Variants in SEPTIN5 observed in about 807,000 individuals in gnomAD.
SEPTIN5 encodes septin-5.
SEPTIN5 carries 16 observed loss-of-function variants against 51.2 expected under a neutral mutation model. The observed-to-expected ratio is 0.31, with a 90% CI of 0.21 to 0.47. The LOEUF (loss-of-function observed/expected upper bound fraction) is 0.47, where lower values mean the gene tolerates loss of function less well. Among genes scored for constraint, SEPTIN5 ranks in the 20% least tolerant of loss-of-function variants. The pLI is 0.99. For synonymous variants in SEPTIN5, 208 were observed against 191.2 expected, an observed-to-expected ratio of 1.09 and a Z score of -0.72; for missense variants, 376 against 500.3, an observed-to-expected ratio of 0.75 and a Z score of 2.37.
rs889060288 is a variant in SEPTIN5, at chr22:19,714,765, G to T, written c.44-16G>T. ...CGGAACCGGACCCGGACTCGACCCC[G>T]ACCCCGACCCCGCAGAGGACAAGCA... On this transcript the variant is annotated splice_polypyrimidine_tract_variant and intron_variant, in intron 1 of 11. Transcript: ENST00000455784. This position sits in a 1 kb window ranked among gnomAD's most constrained non-coding sequence, Gnocchi z 5.2. 4.6e-5 allele frequency: 68 copies of T among 1,480,292 alleles called. No homozygotes were observed. The highest frequency in any genetic ancestry group is 5.8e-5 in the Non-Finnish European group (64 of 1,110,908). 91.7% of individuals were successfully genotyped at this position (1,480,292 alleles called of 1,614,324 possible).
intron 2 of SEPTIN5, chr22:19,717,424 C>G (rs1347118247): frequency 2.2e-6 from 1 of 458,874 alleles, no homozygotes; most frequent in Non-Finnish European, 4.5e-6. Context: ...CCCAGTCCCT[C>G]CAATCCTGTG....
At chr22:19,716,919 G>A (rs544203135) in intron 2 of SEPTIN5, among the ~76,000 whole-genome samples, 45 of 152,360 alleles carry the variant, frequency 3.0e-4, no homozygotes, top group Non-Finnish European at 6.0e-4. Flanking sequence ...ACTCAGCCTA[G>A]AGGCTTCCTG....
At position 19,715,237 on chromosome 22, in the gene SEPTIN5, T is replaced by A. The variant is rs530142627; in HGVS notation, c.54+446T>A. On this transcript the variant is annotated intron_variant, in intron 2 of 11. Transcript: ENST00000455784. ...GTCACCACCCACCTCCCCTGCACCT[T>A]CATGCCCCTTTCCCTCCCCATACAC... 1.4e-3 allele frequency among the ~76,000 whole-genome samples: 214 copies of A among 152,338 alleles called. 8 individuals carry two copies. The South Asian group carries it at 0.043, about 30-fold the overall frequency.
chr22:19,722,080 CT>C (rs1183849379), intron 10 of SEPTIN5, 123 bp downstream of exon 10: 29 of 1,305,186 alleles, frequency 2.2e-5, no homozygotes, highest in South Asian at 5.7e-5. Context: ...AGCCCCCCCC[CT>C]CCCCCAGAGC....
intron 10 of SEPTIN5, 23 bp from the exon 11 acceptor site, chr22:19,722,214 A>ACCCCCCC: frequency 3.3e-6 from 3 of 903,756 alleles, no homozygotes; most frequent in Non-Finnish European, 5.2e-6. Context: ...CGCCCCGCCC[A>ACCCCCCC]TCCTCCCCCC....
Position 19,722,780 on chromosome 22 carries a change from GC to G in SEPTIN5, c.*299del, listed in dbSNP as rs1936075018. Reference sequence around the variant, plus strand: ...GACGGTCACAGCACCCAAACCGCAGGCCCTGCTCTGGCAGGCAGGCAAAGCT... The same window carrying G: ...GACGGTCACAGCACCCAAACCGCAGGCCTGCTCTGGCAGGCAGGCAAAGCT... On this transcript the variant is annotated 3_prime_UTR_variant, in exon 12 of 12. Coordinates refer to ENST00000455784, the MANE Select transcript of SEPTIN5 (RefSeq NM_002688.6). 1.9e-6 allele frequency: 1 copy of G among 525,050 alleles called. No homozygotes were observed. The highest frequency in any genetic ancestry group is 3.4e-6 in the Non-Finnish European group (1 of 289,980). The allele number at this position is 525,050 out of a possible 1,614,324, so 32.5% of individuals were successfully genotyped here.
chr22:19,721,990 C>T (rs1936048019), intron 10 of SEPTIN5, 33 bp downstream of exon 10: 2 of 1,584,594 alleles, frequency 1.3e-6, no homozygotes, highest in Non-Finnish European at 1.7e-6. Context: ...AGACCTCGCC[C>T]CTCTGGCCCC....
rs1229108684 is a variant in SEPTIN5, at chr22:19,714,506, C to T, written c.-83C>T. Reference sequence around the variant, plus strand: ...CGGCGGCGCGGAGGGGCCGCTCACCCCGCAGCCCGGCCTCGGCCTCCGCCG... The same window carrying T: ...CGGCGGCGCGGAGGGGCCGCTCACCTCGCAGCCCGGCCTCGGCCTCCGCCG... On this transcript the variant is annotated 5_prime_UTR_variant, in exon 1 of 12. Transcript: ENST00000455784. The surrounding 1 kb of genome is among the most constrained non-coding windows in gnomAD (Gnocchi z 5.2). 1.0e-6 allele frequency: 1 copy of T among 962,592 alleles called. No individual in the cohort carries two copies. The highest frequency in any genetic ancestry group is 1.3e-6 in the Non-Finnish European group (1 of 763,546). The allele number at this position is 962,592 out of a possible 1,614,324, so 59.6% of individuals were successfully genotyped here. A position where few individuals can be genotyped will look rare whatever the true frequency, so the allele number is the denominator to read the frequency against.
chr22:19,723,296 A>G lies in SEPTIN5; in HGVS notation c.*812A>G. 1 of 696,434 alleles carries G rather than the reference A, an allele frequency of 1.4e-6. No individual in the cohort carries two copies. Among genetic ancestry groups the G allele is most frequent in the South Asian group, 1.5e-5 (1 of 66,716 alleles). 43.1% of individuals were successfully genotyped at this position (696,434 alleles called of 1,614,324 possible). A position where few individuals can be genotyped will look rare whatever the true frequency, so the allele number is the denominator to read the frequency against. ...GAATGCCGCGTCCTGTCCTGGTGACAGGAGAACAATGTTGGTGAACGTCGC... is the reference window on the plus strand; with the variant it reads ...GAATGCCGCGTCCTGTCCTGGTGACGGGAGAACAATGTTGGTGAACGTCGC... On this transcript the variant is annotated 3_prime_UTR_variant, in exon 12 of 12. Coordinates refer to ENST00000455784, the MANE Select transcript of SEPTIN5 (RefSeq NM_002688.6).
intron 2 of SEPTIN5, among the ~76,000 whole-genome samples, chr22:19,715,155 A>G (rs1256783653): frequency 6.6e-6 from 1 of 152,122 alleles, no homozygotes; most frequent in African/African-American, 2.4e-5. Flanking sequence ...GGGGGAGGGG[A>G]GTCAGGCTCC....
chr22:19,717,498 G>C, intron 2 of SEPTIN5: 1 of 371,952 alleles, frequency 2.7e-6, no homozygotes, highest in Non-Finnish European at 5.5e-6. Context: ...TGGGAGATGG[G>C]TCCCATCCCA....
Position 19,720,143 on chromosome 22 carries a change from A to G in SEPTIN5, c.267A>G (p.Leu89=). 1 of 1,613,314 alleles carries G rather than the reference A, an allele frequency of 6.2e-7. No individual in the cohort carries two copies. The highest frequency in any genetic ancestry group is 8.5e-7 in the Non-Finnish European group (1 of 1,180,006). ...GCATCAGCCAGACGGTAGAGATTCT[A>G]AAACACACGGTGGACATTGAGGAGA... ...EERISQTVEI[L]KHTVDIEEKG... is the part of the protein sequence containing the mutation. Residue 89 remains leucine, a synonymous_variant, in exon 5 of 12, where the codon CTA becomes CTG. Transcript: ENST00000455784.
Position 19,722,357 on chromosome 22 carries a change from G to T in SEPTIN5, c.1053+18G>T. ...ATGAGGAAGTATGTGGGGCGGCGGG[G>T]GCGGCGGAGGCGGGCGTCAGGGATG... On this transcript the variant is annotated intron_variant, in intron 11 of 11. Coordinates refer to ENST00000455784, the MANE Select transcript of SEPTIN5 (RefSeq NM_002688.6). 1 of 1,599,158 alleles carries T rather than the reference G, an allele frequency of 6.3e-7. No individual in the cohort carries two copies.
Position 19,723,039 on chromosome 22 carries a change from G to T in SEPTIN5, c.*555G>T. Reference sequence around the variant, plus strand: ...AGGAGGCCAGAGGCTGCAAGGAGCGGGGTCGTGACCGCTTACACCCCTTCT... The same window carrying T: ...AGGAGGCCAGAGGCTGCAAGGAGCGTGGTCGTGACCGCTTACACCCCTTCT... On this transcript the variant is annotated 3_prime_UTR_variant, in exon 12 of 12. Transcript: ENST00000455784. The T allele has an allele frequency of 2.1e-6, 1 of 477,652 alleles. No homozygotes were observed. Among genetic ancestry groups the T allele is most frequent in the Non-Finnish European group, 4.0e-6 (1 of 249,864 alleles). The allele number at this position is 477,652 out of a possible 1,614,324, so 29.6% of individuals were successfully genotyped here.
chr22:19,715,228 C>A (rs1201773772), intron 2 of SEPTIN5, among the ~76,000 whole-genome samples: 1 of 152,268 alleles, frequency 6.6e-6, no homozygotes, highest in Admixed American at 6.5e-5. Flanking sequence ...ACCCACCTCC[C>A]CTGCACCTTC....
rs1041491825 is a variant in SEPTIN5 at position 19,723,048 on chromosome 22, C to T, written c.*564C>T. ...GAGGCTGCAAGGAGCGGGGTCGTGA[C>T]CGCTTACACCCCTTCTCCACAGCCC... On this transcript the variant is annotated 3_prime_UTR_variant, in exon 12 of 12. Coordinates refer to ENST00000455784, the MANE Select transcript of SEPTIN5 (RefSeq NM_002688.6). 4.1e-6 allele frequency: 2 copies of T among 484,648 alleles called. No homozygotes were observed. Among genetic ancestry groups the T allele is most frequent in the South Asian group, 3.5e-5 (2 of 57,200 alleles). The allele number at this position is 484,648 out of a possible 1,614,324, so 30.0% of individuals were successfully genotyped here.
chr22:19,721,880 T>C lies in SEPTIN5; in HGVS notation c.873T>C (p.His291=). 6.4e-7 allele frequency: 1 copy of C among 1,568,448 alleles called. No individual in the cohort carries two copies. Among genetic ancestry groups the C allele is most frequent in the Non-Finnish European group, 8.7e-7 (1 of 1,151,402 alleles). Residue 291 remains histidine, a synonymous_variant, in exon 10 of 12, where the codon CAT becomes CAC. Coordinates refer to ENST00000455784, the MANE Select transcript of SEPTIN5 (RefSeq NM_002688.6). ...VKLRNMLIRT[H]MHDLKDVTCD... is the part of the protein sequence containing the mutation. ...TGCGCAACATGCTCATCCGCACGCA[T>C]ATGCACGACCTCAAGGACGTGACGT...
At chr22:19,717,273 G>T (rs1385232703) in intron 2 of SEPTIN5, 1 of 470,168 alleles carries the variant, frequency 2.1e-6, no homozygotes. Context: ...ACCTTTCCAG[G>T]CCCCATGTCC....
In SEPTIN5 at chr22:19,723,131, C is replaced by T. The variant is rs1012877166; in HGVS notation, c.*647C>T. Reference sequence around the variant, plus strand: ...CGGTGAGCCACCTCCTGGCAACTCTCGGTGCCGTCCCCTGCCCTCGCTCGA... The same window carrying T: ...CGGTGAGCCACCTCCTGGCAACTCTTGGTGCCGTCCCCTGCCCTCGCTCGA... On this transcript the variant is annotated 3_prime_UTR_variant, in exon 12 of 12. Transcript: ENST00000455784. 18 of 551,592 alleles carry T rather than the reference C, an allele frequency of 3.3e-5. No homozygotes were observed. Among genetic ancestry groups the T allele is most frequent in the African/African-American group, 1.8e-4 (10 of 54,616 alleles). 34.2% of individuals were successfully genotyped at this position (551,592 alleles called of 1,614,324 possible). A position where few individuals can be genotyped will look rare whatever the true frequency, so the allele number is the denominator to read the frequency against.
Sources: gnomAD v4.1 joint callset for allele counts (sites outside exome capture counted in the v4.1 genomes callset) on GRCh38, gnomAD v4.1.1 for gene constraint, Gnocchi (gnomAD v3.1) non-coding constraint, MANE v1.5 for transcripts, NCBI Gene and HGNC (gene_info 2026-07-23, HGNC 2026-07-21) for gene names.